Variants in FAR2 observed in about 807,000 individuals in gnomAD.
FAR2 encodes fatty acyl-CoA reductase 2, also known as epididymis secretory protein Li 81.
Under a neutral mutation model 56.0 loss-of-function variants are expected in FAR2, and 19 were observed. That is an observed-to-expected ratio of 0.34 (90% CI 0.24 to 0.50). The LOEUF (loss-of-function observed/expected upper bound fraction) is 0.50, where lower values mean the gene tolerates loss of function less well. Among genes scored for constraint, FAR2 ranks in the 20% least tolerant of loss-of-function variants. The pLI, the probability that FAR2 is intolerant of heterozygous loss-of-function variation, is 0.98. For synonymous variants in FAR2, 219 were observed against 218.8 expected, an observed-to-expected ratio of 1.00 and a Z score of -0.01; for missense variants, 508 against 642.2, an observed-to-expected ratio of 0.79 and a Z score of 2.26.
At chr12:29,323,872 C>T (rs11050189) in intron 10 of FAR2, among the ~76,000 whole-genome samples, 45,721 of 152,070 alleles carry the variant, frequency 0.3, 6,994 homozygotes, top group East Asian at 0.35. Flanking sequence ...AGCTCCTCAC[C>T]GGCAACGGAA....
chr12:29,161,633 C>T (rs983869648), intron 1 of FAR2, among the ~76,000 whole-genome samples: 7 of 151,864 alleles, frequency 4.6e-5, no homozygotes, highest in African/African-American at 9.7e-5. Flanking sequence ...GTTAAACATA[C>T]GTACACATTT....
At chr12:29,200,808 C>T (rs1488308094) in intron 1 of FAR2, among the ~76,000 whole-genome samples, 3 of 152,192 alleles carry the variant, frequency 2.0e-5, no homozygotes, top group African/African-American at 7.2e-5. Flanking sequence ...CCCACAATGT[C>T]AATTACCCTC....
At chr12:29,305,211 G>A (rs1949236731) in intron 4 of FAR2, among the ~76,000 whole-genome samples, 1 of 151,918 alleles carries the variant, frequency 6.6e-6, no homozygotes, top group Non-Finnish European at 1.5e-5. Context: ...ATGGCTCATT[G>A]GAGCCTCCAA....
chr12:29,180,997 A>G (rs967107939), intron 1 of FAR2, among the ~76,000 whole-genome samples: 5 of 152,116 alleles, frequency 3.3e-5, no homozygotes, highest in Non-Finnish European at 7.4e-5. Flanking sequence ...ATATTTTTAC[A>G]TAATCAATAT....
intron 1 of FAR2, among the ~76,000 whole-genome samples, chr12:29,250,570 A>G (rs1201564640): frequency 6.6e-6 from 1 of 152,194 alleles, no homozygotes; most frequent in Non-Finnish European, 1.5e-5. Context: ...GTCTAGAAAT[A>G]GAATAATTTT....
intron 1 of FAR2, among the ~76,000 whole-genome samples, chr12:29,221,887 A>G (rs1028419523): frequency 3.9e-5 from 6 of 152,022 alleles, no homozygotes; most frequent in Admixed American, 3.9e-4. Context: ...TCGCTCTGTC[A>G]CCCAGACTGG....
chr12:29,153,661 G>A (rs945577589), intron 1 of FAR2, among the ~76,000 whole-genome samples: 2 of 152,200 alleles, frequency 1.3e-5, no homozygotes, highest in Admixed American at 6.5e-5. Flanking sequence ...TGAACTGGAG[G>A]GATAAAGGAT....
At chr12:29,297,513 G>C (rs528869329) in intron 4 of FAR2, among the ~76,000 whole-genome samples, 33 of 152,152 alleles carry the variant, frequency 2.2e-4, no homozygotes, top group Non-Finnish European at 3.8e-4. Flanking sequence ...GATAAAGCAA[G>C]TATAATGTAT....
intron 1 of FAR2, among the ~76,000 whole-genome samples, chr12:29,204,265 C>G (rs1465396300): frequency 6.6e-6 from 1 of 151,822 alleles, no homozygotes; most frequent in Non-Finnish European, 1.5e-5. Context: ...TAAACCAGGA[C>G]TATGTTGGCC....
Position 29,240,405 on chromosome 12 carries a change from T to C in FAR2, c.-38-30007T>C, listed in dbSNP as rs1948009127. Among the ~76,000 whole-genome samples, 3 of 152,176 alleles carry C rather than the reference T, an allele frequency of 2.0e-5. No individual in the cohort carries two copies. In the South Asian group the frequency reaches 6.2e-4, roughly 32 times the overall value. ...ACCTGTCAGGACTCCTCCTTCCATA[T>C]GACTTCCAATGGCCGACGCTGCTCC... On this transcript the variant is annotated intron_variant, in intron 1 of 11. Coordinates refer to ENST00000536681, the MANE Select transcript of FAR2 (RefSeq NM_001271783.2).
In FAR2 at chr12:29,203,087, C is replaced by T. The variant is rs578074769; in HGVS notation, c.-39+53680C>T. ...ATAAGACCCTGAGAATTTATGGAAA[C>T]GACATTAGAAGTGGTTTTATAGTTT... On this transcript the variant is annotated intron_variant, in intron 1 of 11. Coordinates refer to ENST00000536681, the MANE Select transcript of FAR2 (RefSeq NM_001271783.2). 1.2e-3 allele frequency among the ~76,000 whole-genome samples: 185 copies of T among 152,192 alleles called. 1 individual carries two copies. The highest frequency in any genetic ancestry group is 4.2e-3 in the African/African-American group (175 of 41,508).
chr12:29,323,457 G>T (rs1163262585), intron 10 of FAR2, among the ~76,000 whole-genome samples: 3 of 152,146 alleles, frequency 2.0e-5, no homozygotes, highest in African/African-American at 7.2e-5. Context: ...TCCTCAAGTG[G>T]GTCCCTGACC....
chr12:29,198,643 C>T (rs1442256300), intron 1 of FAR2, among the ~76,000 whole-genome samples: 1 of 151,448 alleles, frequency 6.6e-6, no homozygotes, highest in African/African-American at 2.4e-5. Flanking sequence ...GATTTTTTTT[C>T]CTTTTGAACA....
chr12:29,272,088 C>T (rs1277806202), intron 2 of FAR2, among the ~76,000 whole-genome samples: 1 of 152,158 alleles, frequency 6.6e-6, no homozygotes, highest in Non-Finnish European at 1.5e-5. Context: ...CAGTTATCTA[C>T]CCCTAATGCA....
intron 1 of FAR2, among the ~76,000 whole-genome samples, chr12:29,203,251 G>A (rs968971037): frequency 2.0e-5 from 3 of 152,114 alleles, no homozygotes; most frequent in Non-Finnish European, 4.4e-5. Context: ...AACAAGCCAG[G>A]ACTCTCTTCC....
intron 1 of FAR2, among the ~76,000 whole-genome samples, chr12:29,152,191 G>A (rs1014976041): frequency 3.9e-5 from 6 of 152,170 alleles, no homozygotes; most frequent in Admixed American, 1.3e-4. Context: ...TCCAAACGTC[G>A]AACGGTGAGA....
intron 2 of FAR2, among the ~76,000 whole-genome samples, chr12:29,274,731 G>T (rs575725209): frequency 9.2e-5 from 14 of 151,808 alleles, no homozygotes; most frequent in Non-Finnish European, 1.9e-4. Context: ...GCTCATTCTG[G>T]CTCAAAATCT....
At chr12:29,324,654 T>G (rs1949613929) in intron 10 of FAR2, among the ~76,000 whole-genome samples, 1 of 152,034 alleles carries the variant, frequency 6.6e-6, no homozygotes, top group African/African-American at 2.4e-5. Flanking sequence ...AAACTAAGCT[T>G]CATAAGTGAA....
intron 2 of FAR2, among the ~76,000 whole-genome samples, chr12:29,286,074 CACACACACACACACAT>C (rs1948870913): frequency 6.6e-6 from 1 of 151,612 alleles, no homozygotes; most frequent in African/African-American, 2.4e-5. Context: ...GACACACACA[CACACACACACACACAT>C]ACACACACAC....
Sources: allele counts gnomAD v4.1 joint callset (sites outside exome capture counted in the v4.1 genomes callset), GRCh38; gene constraint gnomAD v4.1.1; transcripts MANE v1.5; gene names NCBI Gene and HGNC (gene_info 2026-07-23, HGNC 2026-07-21).